The following EFNA5 variants were observed in gnomAD, a reference collection of about 807,000 sequenced individuals.
EFNA5 encodes ephrin A5.
EFNA5 carries 5 observed loss-of-function variants against 22.9 expected under a neutral mutation model. The ratio of observed to expected loss-of-function variants is 0.22; its 90% CI spans 0.11 to 0.46. The LOEUF is 0.46. Among genes scored for constraint, EFNA5 ranks in the 20% least tolerant of loss-of-function variants. The probability of loss-of-function intolerance (pLI) is 0.99; values close to 1 mark genes in which losing one functional copy is unlikely to be tolerated. For synonymous variants in EFNA5, 113 were observed against 112.2 expected, an observed-to-expected ratio of 1.01 and a Z score of -0.04; for missense variants, 237 against 293.3, an observed-to-expected ratio of 0.81 and a Z score of 1.40.
chr5:107,562,375 A>G (rs986626787), intron 1 of EFNA5, among the ~76,000 whole-genome samples: 4 of 151,936 alleles, frequency 2.6e-5, no homozygotes, highest in Non-Finnish European at 4.4e-5. Context: ...TCTCTCTCAC[A>G]TACAAGCAGA....
At chr5:107,500,189 A>G (rs529946846) in intron 1 of EFNA5, among the ~76,000 whole-genome samples, 3 of 152,356 alleles carry the variant, frequency 2.0e-5, no homozygotes, top group African/African-American at 4.8e-5. Flanking sequence ...ATCTCCAACT[A>G]TAAGTTGATC....
At chr5:107,405,866 C>A (rs191741912) in intron 2 of EFNA5, among the ~76,000 whole-genome samples, 27 of 148,330 alleles carry the variant, frequency 1.8e-4, no homozygotes, top group East Asian at 1.0e-3. Flanking sequence ...AGAATGTATA[C>A]AAATACATAT....
At chr5:107,405,890 TTC>T (rs1748197057) in intron 2 of EFNA5, among the ~76,000 whole-genome samples, 1 of 148,838 alleles carries the variant, frequency 6.7e-6, no homozygotes, top group Admixed American at 6.7e-5. Flanking sequence ...TGTATACATA[TTC>T]TATGTATTTA....
At chr5:107,414,325 T>C (rs1748450419) in intron 2 of EFNA5, among the ~76,000 whole-genome samples, 1 of 152,230 alleles carries the variant, frequency 6.6e-6, no homozygotes, top group Admixed American at 6.5e-5. Flanking sequence ...CTCTTCCTCC[T>C]GAAATAGTCG....
At chr5:107,489,665 C>CCG (rs1175081761) in intron 1 of EFNA5, among the ~76,000 whole-genome samples, 1 of 150,114 alleles carries the variant, frequency 6.7e-6, no homozygotes, top group Non-Finnish European at 1.5e-5. Flanking sequence ...CACCTACCCC[C>CCG]CCCACCAAGA....
intron 1 of EFNA5, among the ~76,000 whole-genome samples, chr5:107,619,595 T>G (rs1749994439): frequency 6.6e-6 from 1 of 151,946 alleles, no homozygotes; most frequent in African/African-American, 2.4e-5. Flanking sequence ...CTCAAGTAGC[T>G]GGGACTACAG....
intron 1 of EFNA5, among the ~76,000 whole-genome samples, chr5:107,575,302 T>A (rs1748904748): frequency 6.6e-6 from 1 of 152,168 alleles, no homozygotes; most frequent in Admixed American, 6.5e-5. Context: ...CTTTTAAGGA[T>A]CTTCAGGTGC....
chr5:107,637,724 A>G (rs571409874), intron 1 of EFNA5, among the ~76,000 whole-genome samples: 31 of 148,614 alleles, frequency 2.1e-4, no homozygotes, highest in African/African-American at 7.3e-4. Context: ...ATTATATATA[A>G]TATATAATTT....
chr5:107,501,084 T>C (rs949781396), intron 1 of EFNA5, among the ~76,000 whole-genome samples: 2 of 152,194 alleles, frequency 1.3e-5, no homozygotes, highest in African/African-American at 2.4e-5. Context: ...TAAGGACATA[T>C]TGTGTGCATA....
intron 2 of EFNA5, among the ~76,000 whole-genome samples, chr5:107,420,554 GA>G (rs1484167010): frequency 1.0e-5 from 1 of 99,658 alleles, no homozygotes; most frequent in Non-Finnish European, 2.1e-5. Flanking sequence ...AAAAAAAAAA[GA>G]AAAAAAACAC....
chr5:107,625,608 A>C (rs904985378), intron 1 of EFNA5, among the ~76,000 whole-genome samples: 1 of 152,202 alleles, frequency 6.6e-6, no homozygotes, highest in African/African-American at 2.4e-5. Flanking sequence ...AACAGCAAGC[A>C]GAAACAGGTT....
chr5:107,640,445 A>G lies in EFNA5; in HGVS notation c.125+30044T>C, dbSNP rs375118718. Among the ~76,000 whole-genome samples the G allele has an allele frequency of 2.0e-5, 3 of 152,244 alleles. No individual in the cohort carries two copies. The East Asian group carries it at 5.8e-4, about 29-fold the overall frequency. ...GTAAATGTTATTTTAATGTGAAGCTACTTCTATAGTGAAAACAAGTTCATA... is the reference window on the plus strand; with the variant it reads ...GTAAATGTTATTTTAATGTGAAGCTGCTTCTATAGTGAAAACAAGTTCATA... On this transcript the variant is annotated intron_variant, in intron 1 of 4. Transcript: ENST00000333274.
At chr5:107,641,681 A>C (rs1441114405) in intron 1 of EFNA5, among the ~76,000 whole-genome samples, 1 of 152,178 alleles carries the variant, frequency 6.6e-6, no homozygotes, top group Non-Finnish European at 1.5e-5. Context: ...TTATGACCTA[A>C]TGATGCATTT....
intron 1 of EFNA5, among the ~76,000 whole-genome samples, chr5:107,556,538 G>A (rs1243490528): frequency 1.3e-5 from 2 of 152,064 alleles, no homozygotes; most frequent in Non-Finnish European, 2.9e-5. Flanking sequence ...TTGAGGTCAG[G>A]AGTTTGAGAC....
chr5:107,399,093 A>G (rs1748010278), intron 2 of EFNA5, among the ~76,000 whole-genome samples: 1 of 152,120 alleles, frequency 6.6e-6, no homozygotes, highest in African/African-American at 2.4e-5. Context: ...AGCCAGGGAT[A>G]TACAAAATTC....
intron 2 of EFNA5, among the ~76,000 whole-genome samples, chr5:107,417,672 G>GT (rs1353016498): frequency 1.3e-5 from 2 of 152,170 alleles, no homozygotes; most frequent in Non-Finnish European, 2.9e-5. Context: ...TCCCAAAAGG[G>GT]TAGGGAGCAA....
Position 107,380,972 on chromosome 5 carries a change from G to C in EFNA5, c.*283C>G, listed in dbSNP as rs899841552. 2 of 314,576 alleles carry C rather than the reference G, an allele frequency of 6.4e-6. No homozygotes were observed. The highest frequency in any genetic ancestry group is 4.6e-5 in the African/African-American group (2 of 43,376). The allele number at this position is 314,576 out of a possible 1,614,324, so 19.5% of individuals were successfully genotyped here. A position where few individuals can be genotyped will look rare whatever the true frequency, so the allele number is the denominator to read the frequency against. ...GCTGACGAACCACTGGTGTCACTATGACAATTTGGCATTTTCATCTGGAGT... is the reference window on the plus strand; with the variant it reads ...GCTGACGAACCACTGGTGTCACTATCACAATTTGGCATTTTCATCTGGAGT... On this transcript the variant is annotated 3_prime_UTR_variant, in exon 5 of 5. Transcript: ENST00000333274.
chr5:107,469,634 T>A (rs1750085352), intron 1 of EFNA5, among the ~76,000 whole-genome samples: 1 of 152,044 alleles, frequency 6.6e-6, no homozygotes, highest in Non-Finnish European at 1.5e-5. Flanking sequence ...ATGTCAACTA[T>A]GAGAGAAGTT....
intron 1 of EFNA5, among the ~76,000 whole-genome samples, chr5:107,626,751 A>G (rs1374955199): frequency 6.6e-6 from 1 of 152,202 alleles, no homozygotes. Context: ...TGACTGTTTC[A>G]GCATTATTTT....
Sources: gnomAD v4.1 joint callset for allele counts (sites outside exome capture counted in the v4.1 genomes callset) on GRCh38, gnomAD v4.1.1 for gene constraint, MANE v1.5 for transcripts, NCBI Gene and HGNC (gene_info 2026-07-23, HGNC 2026-07-21) for gene names.